ERAP2: variants seen among roughly 807,000 people sequenced by gnomAD.
ERAP2 encodes leukocyte-derived arginine aminopeptidase.
Under a neutral mutation model 111.1 loss-of-function variants are expected in ERAP2, and 118 were observed. That is an observed-to-expected ratio of 1.06 (90% CI 0.92 to 1.24). The LOEUF is 1.24. ERAP2 is among the 50% of genes most tolerant of loss of function. ERAP2 has a pLI of 0.00. For synonymous variants in ERAP2, 410 were observed against 401.2 expected (o/e 1.02, Z -0.26); for missense variants, 1,131 against 1,125.8 (o/e 1.00, Z -0.07).
At chr5:96,904,207 C>T (rs1785791710) in intron 13 of ERAP2, among the ~76,000 whole-genome samples, 1 of 152,146 alleles carries the variant, frequency 6.6e-6, no homozygotes, top group African/African-American at 2.4e-5. Context: ...CCTGGAAGGA[C>T]AAAGTGTTTT....
At chr5:96,906,144 G>A (rs1786051688) in intron 13 of ERAP2, among the ~76,000 whole-genome samples, 1 of 151,764 alleles carries the variant, frequency 6.6e-6, no homozygotes, top group Non-Finnish European at 1.5e-5. Flanking sequence ...TCCAAGGGCT[G>A]TCTCCAGAGC....
chr5:96,915,043 C>T (rs1041430040), intron 17 of ERAP2, among the ~76,000 whole-genome samples: 2 of 151,712 alleles, frequency 1.3e-5, no homozygotes, highest in Admixed American at 6.6e-5. Context: ...GTTTCATTCT[C>T]GTTGCCCAGG....
intron 11 of ERAP2, 90 bp from the exon 12 acceptor site, chr5:96,902,184 G>C (rs1785543405): frequency 2.4e-6 from 2 of 842,528 alleles, no homozygotes; most frequent in South Asian, 2.9e-5. Flanking sequence ...TGGGTACTTA[G>C]GTGCCTTTTA....
chr5:96,880,217 G>T lies in ERAP2; in HGVS notation c.532G>T (p.Gly178Trp). The T allele has an allele frequency of 6.2e-7, 1 of 1,614,004 alleles. No homozygotes were observed. Among genetic ancestry groups the T allele is most frequent in the Non-Finnish European group, 8.5e-7 (1 of 1,179,960 alleles). ...FQAKLGDGFE[G>W]FYKSTYRTLG... ...AGCCAAGTTAGGTGATGGCTTTGAA[G>T]GGTTTTATAAAAGCACATACAGAAC... The change falls in exon 2 of 19, where the codon GGG becomes TGG. Residue 178 changes from glycine to tryptophan, a missense_variant. Around this residue, in one of 3 missense-constraint regions of ERAP2, gnomAD observed 847 missense variants for 856.5 expected, o/e 0.99. Transcript: ENST00000437043.
chr5:96,916,676 G>A (rs1310055875), intron 18 of ERAP2, among the ~76,000 whole-genome samples: 1 of 151,204 alleles, frequency 6.6e-6, no homozygotes, highest in Non-Finnish European at 1.5e-5. Context: ...CACTGTGTTA[G>A]CCAGGGTGGT....
chr5:96,901,872 C>T (rs139524914), intron 11 of ERAP2, among the ~76,000 whole-genome samples, 191 bp downstream of exon 11: 2 of 152,298 alleles, frequency 1.3e-5, no homozygotes, highest in Admixed American at 6.5e-5. Context: ...GAGCACCATT[C>T]TTAGTGATTC....
intron 10 of ERAP2, among the ~76,000 whole-genome samples, chr5:96,900,837 C>T (rs113393162): frequency 0.04 from 6,009 of 152,102 alleles, 370 homozygotes; most frequent in African/African-American, 0.14. Flanking sequence ...CCACCATGCC[C>T]GGCTAATTTT....
intron 13 of ERAP2, among the ~76,000 whole-genome samples, chr5:96,905,388 T>A (rs1478752695): frequency 6.6e-6 from 1 of 152,248 alleles, no homozygotes; most frequent in Non-Finnish European, 1.5e-5. Context: ...CTCTAATTTC[T>A]GGTTGTTTTG....
intron 17 of ERAP2, 145 bp downstream of exon 17, chr5:96,913,602 C>G: frequency 1.1e-6 from 1 of 952,072 alleles, no homozygotes; most frequent in Non-Finnish European, 1.6e-6. Flanking sequence ...TTGAAACTCC[C>G]TAGCCCAAAT....
At chr5:96,907,913 C>T (rs1442806043) in intron 13 of ERAP2, among the ~76,000 whole-genome samples, 1 of 151,814 alleles carries the variant, frequency 6.6e-6, no homozygotes, top group East Asian at 1.9e-4. Flanking sequence ...ATATGGCAGA[C>T]CACAGAATCA....
At position 96,897,151 on chromosome 5, in the gene ERAP2, T is replaced by C. The variant is rs143678851; in HGVS notation, c.1503+288T>C. On this transcript the variant is annotated intron_variant, in intron 9 of 18. Transcript: ENST00000437043. Reference sequence around the variant, plus strand: ...CCCTTGATCTAAAATCTTTAAAATGTTGTAATTTCTACCATATAACACCTA... The same window carrying C: ...CCCTTGATCTAAAATCTTTAAAATGCTGTAATTTCTACCATATAACACCTA... Among the ~76,000 whole-genome samples, 3 of 152,214 alleles carry C rather than the reference T, an allele frequency of 2.0e-5. No individual in the cohort carries two copies. In the South Asian group the frequency reaches 6.2e-4, roughly 32 times the overall value.
At chr5:96,916,222 A>G (rs1296757248) in intron 18 of ERAP2, among the ~76,000 whole-genome samples, 1 of 122,480 alleles carries the variant, frequency 8.2e-6, no homozygotes. Flanking sequence ...CTCCATCTCA[A>G]AAAAACAAAA....
At chr5:96,896,186 T>C (rs1784841371) in intron 7 of ERAP2, among the ~76,000 whole-genome samples, 187 bp from the exon 8 acceptor site, 1 of 151,944 alleles carries the variant, frequency 6.6e-6, no homozygotes, top group Non-Finnish European at 1.5e-5. Context: ...CTTTTTAAAG[T>C]AGAGAAACTT....
intron 15 of ERAP2, among the ~76,000 whole-genome samples, chr5:96,912,053 G>A (rs1300070091): frequency 4.0e-5 from 6 of 150,704 alleles, no homozygotes; most frequent in African/African-American, 7.3e-5. Context: ...AGCCGGGCGC[G>A]GTGGCGGGCG....
At chr5:96,914,908 CAT>C (rs1393380259) in intron 17 of ERAP2, among the ~76,000 whole-genome samples, 4 of 150,234 alleles carry the variant, frequency 2.7e-5, no homozygotes, top group African/African-American at 4.9e-5. Context: ...AATTTATAAA[CAT>C]AAATGATATA....
chr5:96,878,742 A>G (rs1410669541), intron 1 of ERAP2, among the ~76,000 whole-genome samples: 1 of 152,182 alleles, frequency 6.6e-6, no homozygotes, highest in Non-Finnish European at 1.5e-5. Flanking sequence ...AGCCAGGCCA[A>G]CATGGTGAAA....
At chr5:96,911,361 T>C (rs559060970) in intron 15 of ERAP2, among the ~76,000 whole-genome samples, 27 of 152,332 alleles carry the variant, frequency 1.8e-4, no homozygotes, top group African/African-American at 6.3e-4. Flanking sequence ...TATTGATCCG[T>C]TGACATTTGG....
rs1292951440 is a variant in ERAP2, at chr5:96,912,641, C to G, written c.2359C>G (p.Pro787Ala). ...TTTTTATGCTTGATATTACAGTATA[C>G]CAACAGATGTTTTAAAGATTGTGTA... ...WMESSGKLNI[P>A]TDVLKIVYSV... is the part of the protein sequence containing the mutation. The change falls in exon 16 of 19, where the codon CCA (proline) becomes GCA (alanine). Residue 787 changes from proline to alanine, a missense_variant. Around this residue, in one of 3 missense-constraint regions of ERAP2, gnomAD observed 279 missense variants for 250.9 expected, o/e 1.11. Coordinates refer to ENST00000437043, the MANE Select transcript of ERAP2 (RefSeq NM_022350.5). 6.2e-7 allele frequency: 1 copy of G among 1,605,336 alleles called. No individual in the cohort carries two copies.
At position 96,912,624 on chromosome 5, in the gene ERAP2, C is replaced by CT; in HGVS notation, c.2355-11dup. 6.4e-7 allele frequency: 1 copy of CT among 1,572,076 alleles called. No individual in the cohort carries two copies. Among genetic ancestry groups the CT allele is most frequent in the Non-Finnish European group, 8.6e-7 (1 of 1,167,104 alleles). ...ATAAAACTTTTTCTTCATTTTTATG[C>CT]TTGATATTACAGTATACCAACAGAT... On this transcript the variant is annotated splice_polypyrimidine_tract_variant and intron_variant, in intron 15 of 18. Transcript: ENST00000437043.
Sources: allele counts gnomAD v4.1 joint callset (sites outside exome capture counted in the v4.1 genomes callset), GRCh38; gene constraint gnomAD v4.1.1; regional missense constraint gnomAD v4.1.1; transcripts MANE v1.5; gene names NCBI Gene and HGNC (gene_info 2026-07-23, HGNC 2026-07-21).